DOCK5: variants seen among roughly 807,000 people sequenced by gnomAD.
DOCK5 encodes dedicator of cytokinesis 5, also known as dedicator of cytokinesis protein 5.
Under a neutral mutation model 251.8 loss-of-function variants are expected in DOCK5, and 142 were observed. The ratio of observed to expected loss-of-function variants is 0.56; its 90% CI spans 0.49 to 0.65. DOCK5 has a LOEUF of 0.65. Ranked by LOEUF, DOCK5 falls within the 30% of genes least tolerant of loss-of-function variation. The pLI, the probability that DOCK5 is intolerant of heterozygous loss-of-function variation, is 0.00. For missense variants in DOCK5, 2,111 were observed against 2,312.3 expected, an observed-to-expected ratio of 0.91 and a Z score of 1.79; for synonymous variants, 842 against 835.5, an observed-to-expected ratio of 1.01 and a Z score of -0.13.
At chr8:25,411,094 T>C in intron 51 of DOCK5, 100 bp from the exon 52 acceptor site, 21 of 1,360,128 alleles carry the variant, frequency 1.5e-5, no homozygotes, top group Non-Finnish European at 2.0e-5. Context: ...TAAACTCAGA[T>C]CAATTAGAAG....
At chr8:25,312,761 CA>C (rs3085652) in intron 13 of DOCK5, among the ~76,000 whole-genome samples, 120 of 113,852 alleles carry the variant, frequency 1.1e-3, no homozygotes, top group African/African-American at 3.1e-3. Context: ...GACTCCGTCT[CA>C]AAAAAAAAAA....
intron 40 of DOCK5, among the ~76,000 whole-genome samples, chr8:25,387,405 A>T (rs564933114): frequency 6.6e-6 from 1 of 152,186 alleles, no homozygotes; most frequent in East Asian, 1.9e-4. Flanking sequence ...AAGACCAGTG[A>T]TCTTTGAATC....
intron 40 of DOCK5, 60 bp from the exon 41 acceptor site, chr8:25,389,031 C>T (rs747949572): frequency 2.6e-6 from 4 of 1,556,976 alleles, no homozygotes; most frequent in Non-Finnish European, 3.5e-6. Flanking sequence ...GTACCCGGAA[C>T]TCCAGTTGCC....
intron 11 of DOCK5, among the ~76,000 whole-genome samples, chr8:25,307,122 CTT>C (rs747987347): frequency 4.8e-5 from 7 of 145,366 alleles, no homozygotes; most frequent in Admixed American, 1.4e-4. Flanking sequence ...CATTAATAAT[CTT>C]TTTTTTTTTT....
chr8:25,282,222 G>A (rs1293761223), intron 5 of DOCK5, among the ~76,000 whole-genome samples: 1 of 150,912 alleles, frequency 6.6e-6, no homozygotes, highest in African/African-American at 2.5e-5. Context: ...TATTAATTGT[G>A]GCTTTCTCTT....
chr8:25,219,555 A>T (rs1432976970), intron 1 of DOCK5, among the ~76,000 whole-genome samples: 1 of 152,192 alleles, frequency 6.6e-6, no homozygotes, highest in Non-Finnish European at 1.5e-5. Context: ...CTCTTTGAGG[A>T]AAGGTTCCGT....
In DOCK5 at chr8:25,378,545, T is replaced by C. The variant is rs372214155; in HGVS notation, c.3936+1121T>C. ...CCAGAAACAATGGAACATAGCACCT[T>C]GTGAACAGGAATGAAGCAGGAGGTG... On this transcript the variant is annotated intron_variant, in intron 38 of 51. Coordinates refer to ENST00000276440, the MANE Select transcript of DOCK5 (RefSeq NM_024940.8). 7.2e-5 allele frequency among the ~76,000 whole-genome samples: 11 copies of C among 152,172 alleles called. 1 individual carries two copies. The highest frequency in any genetic ancestry group is 2.7e-4 in the African/African-American group (11 of 41,442).
chr8:25,306,031 A>G (rs530690527), intron 11 of DOCK5, among the ~76,000 whole-genome samples: 1 of 152,208 alleles, frequency 6.6e-6, no homozygotes, highest in African/African-American at 2.4e-5. Context: ...ATAATAGTGC[A>G]AATAGCCCAT....
intron 50 of DOCK5, among the ~76,000 whole-genome samples, 151 bp downstream of exon 50, chr8:25,409,091 G>A (rs1422668394): frequency 1.3e-5 from 2 of 152,218 alleles, no homozygotes; most frequent in African/African-American, 4.8e-5. Context: ...CAGTTAGACT[G>A]GAGTTTGGCA....
chr8:25,299,206 G>A, intron 8 of DOCK5, 105 bp downstream of exon 8: 4 of 1,267,606 alleles, frequency 3.2e-6, no homozygotes, highest in Non-Finnish European at 4.3e-6. Flanking sequence ...GAGAAAATAG[G>A]GAAGCATGGA....
intron 1 of DOCK5, among the ~76,000 whole-genome samples, chr8:25,197,319 C>T (rs928664048): frequency 2.0e-5 from 3 of 152,208 alleles, no homozygotes; most frequent in African/African-American, 7.2e-5. Flanking sequence ...CTCTCAGAGC[C>T]TGGGCTCACT....
chr8:25,403,302 A>G (rs1302562350), intron 47 of DOCK5, among the ~76,000 whole-genome samples: 1 of 151,948 alleles, frequency 6.6e-6, no homozygotes, highest in African/African-American at 2.4e-5. Context: ...TTTAGGTAGC[A>G]GAAAATTATG....
rs186646268 is a variant in DOCK5 at position 25,343,435 on chromosome 8, T to G, written c.2617+928T>G. Among the ~76,000 whole-genome samples, 13 of 152,288 alleles carry G rather than the reference T, an allele frequency of 8.5e-5. No homozygotes were observed. In the East Asian group the frequency reaches 2.3e-3, roughly 27 times the overall value. ...GAGCGGTTTTAAGGAGAATCTAAAG[T>G]CAGCTCGGTATTTCCAACAGTTCCT... On this transcript the variant is annotated intron_variant, in intron 25 of 51. Transcript: ENST00000276440.
intron 1 of DOCK5, among the ~76,000 whole-genome samples, chr8:25,231,073 T>C (rs981387331): frequency 6.6e-6 from 1 of 152,158 alleles, no homozygotes; most frequent in Non-Finnish European, 1.5e-5. Context: ...TCCTTTTTTT[T>C]CTGTAGTTTT....
At chr8:25,318,163 G>A (rs1446097865) in intron 14 of DOCK5, among the ~76,000 whole-genome samples, 5 of 152,048 alleles carry the variant, frequency 3.3e-5, no homozygotes, top group Admixed American at 2.6e-4. Flanking sequence ...ATCTCTGCCT[G>A]CTGCAACCTC....
chr8:25,356,908 T>C (rs1243104778), intron 27 of DOCK5, among the ~76,000 whole-genome samples: 1 of 710 alleles, frequency 1.4e-3, no homozygotes, highest in South Asian at 0.071. Context: ...ATATGAAGAT[T>C]ATATATATAT....
At chr8:25,300,424 G>A (rs964083753) in intron 8 of DOCK5, among the ~76,000 whole-genome samples, 152 bp from the exon 9 acceptor site, 1 of 152,202 alleles carries the variant, frequency 6.6e-6, no homozygotes, top group Non-Finnish European at 1.5e-5. Context: ...TGTGGTCCCA[G>A]TTCCCAACTC....
intron 1 of DOCK5, among the ~76,000 whole-genome samples, chr8:25,199,099 A>G (rs992587950): frequency 3.9e-5 from 6 of 152,198 alleles, no homozygotes; most frequent in Admixed American, 1.3e-4. Flanking sequence ...TGGTATTGAC[A>G]TGACATCAGT....
At chr8:25,314,641 A>G (rs1208732265) in intron 13 of DOCK5, among the ~76,000 whole-genome samples, 3 of 134,380 alleles carry the variant, frequency 2.2e-5, no homozygotes, top group Non-Finnish European at 3.1e-5. Context: ...CCACCTATCT[A>G]TCTAACCGTC....
Sources: allele counts gnomAD v4.1 joint callset (sites outside exome capture counted in the v4.1 genomes callset), GRCh38; gene constraint gnomAD v4.1.1; transcripts MANE v1.5; gene names NCBI Gene and HGNC (gene_info 2026-07-23, HGNC 2026-07-21).